The following SLC22A25 variants were observed in gnomAD, a reference collection of about 807,000 sequenced individuals.
The protein encoded by SLC22A25 is MGI:2442751, MGI:2385316, MGI:3042283, MGI:3645714, MGI:3605624, MGI:2442750.
SLC22A25 carries 44 observed loss-of-function variants against 45.9 expected under a neutral mutation model. That is an observed-to-expected ratio of 0.96 (90% confidence interval 0.75 to 1.23). The LOEUF (loss-of-function observed/expected upper bound fraction) is 1.23. SLC22A25 is among the 50% of genes most tolerant of loss of function. SLC22A25 has a pLI of 0.00. For synonymous variants in SLC22A25, 283 were observed against 238.6 expected (o/e 1.19, Z -1.72); for missense variants, 800 against 666.4 (o/e 1.20, Z -2.21).
At chr11:63,187,566 A>G (rs982159840) in intron 7 of SLC22A25, among the ~76,000 whole-genome samples, 1 of 152,190 alleles carries the variant, frequency 6.6e-6, no homozygotes, top group African/African-American at 2.4e-5. Flanking sequence ...CCCTGGCCAG[A>G]ACTTCCAACA....
rs2089809018 is a variant in SLC22A25 at position 63,219,834 on chromosome 11, G to A, written c.507-2099C>T. On this transcript the variant is annotated intron_variant, in intron 5 of 11. Coordinates refer to ENST00000306494, the MANE Select transcript of SLC22A25 (RefSeq NM_199352.6). ...CATTTTCTCATGGCACTGTCCCAGA[G>A]AGCTGGGTTACTGGACTGTTGGAAA... 3 of 1,001,126 alleles carry A rather than the reference G, an allele frequency of 3.0e-6. No individual in the cohort carries two copies. In the South Asian group the frequency reaches 4.0e-5, roughly 13 times the overall value. 62.0% of individuals were successfully genotyped at this position (1,001,126 alleles called of 1,614,324 possible).
rs552636370 is a variant in SLC22A25, at chr11:63,228,460, C to A, written c.506+1G>T. ...GAGAGCTATGCTCCATAGACACTCA[C>A]CTGTCTGACAAATGGCCATATAGGT... On this transcript the variant is annotated splice_donor_variant, in intron 5 of 11. Coordinates refer to ENST00000306494, the MANE Select transcript of SLC22A25 (RefSeq NM_199352.6). LOFTEE classifies it high-confidence loss of function. The A allele has an allele frequency of 2.5e-6, 4 of 1,596,648 alleles. No homozygotes were observed. Among genetic ancestry groups the A allele is most frequent in the South Asian group, 1.1e-5 (1 of 90,530 alleles).
At chr11:63,225,814 C>T (rs560448742) in intron 5 of SLC22A25, among the ~76,000 whole-genome samples, 2 of 152,160 alleles carry the variant, frequency 1.3e-5, no homozygotes, top group South Asian at 4.1e-4. Context: ...GTGCTTCCTT[C>T]TTTTTAATTC....
chr11:63,178,516 G>A (rs1378317796), intron 9 of SLC22A25, among the ~76,000 whole-genome samples: 1 of 151,270 alleles, frequency 6.6e-6, no homozygotes, highest in Non-Finnish European at 1.5e-5. Context: ...TAACTGGGGT[G>A]AAATAATATC....
At position 63,217,406 on chromosome 11, in the gene SLC22A25, T is replaced by A. The variant is rs1317880337; in HGVS notation, c.738A>T (p.Ile246=). ...TGACAAAAGCCAGGCTTCCCAGGGT[T>A]ATATGTCCAATACTAGCAGCACAAA... is the stretch of plus-strand genomic sequence containing the variant. ...LTLCAASIGH[I]TLGSLAFVIR... The change falls in exon 7 of 12, where the codon ATA becomes ATT. Residue 246 remains isoleucine, a synonymous_variant. Coordinates refer to ENST00000306494, the MANE Select transcript of SLC22A25 (RefSeq NM_199352.6). 9 of 1,613,936 alleles carry A rather than the reference T, an allele frequency of 5.6e-6. No homozygotes were observed. Among genetic ancestry groups the A allele is most frequent in the South Asian group, 1.1e-5 (1 of 91,084 alleles).
intron 9 of SLC22A25, among the ~76,000 whole-genome samples, chr11:63,179,673 T>G (rs1446082788): frequency 6.6e-6 from 1 of 152,124 alleles, no homozygotes; most frequent in Non-Finnish European, 1.5e-5. Context: ...GCATAATGGT[T>G]GGGCTAGAAA....
chr11:63,192,173 G>GGATGA (rs1565088175), intron 7 of SLC22A25, among the ~76,000 whole-genome samples: 1 of 152,124 alleles, frequency 6.6e-6, no homozygotes, highest in Admixed American at 6.6e-5. Context: ...AAGAGATTGG[G>GGATGA]GATGAATATT....
At chr11:63,240,069 C>T (rs2090223481) in intron 1 of SLC22A25, among the ~76,000 whole-genome samples, 1 of 152,106 alleles carries the variant, frequency 6.6e-6, no homozygotes, top group Non-Finnish European at 1.5e-5. Flanking sequence ...TATGGTATAG[C>T]CTATTGCTCA....
At chr11:63,164,185 A>C in intron 11 of SLC22A25, 112 bp from the exon 12 acceptor site, 1 of 1,375,242 alleles carries the variant, frequency 7.3e-7, no homozygotes, top group Non-Finnish European at 9.9e-7. Context: ...GGAGGTGATA[A>C]CATACTCTTG....
intron 5 of SLC22A25, chr11:63,218,115 C>T (rs1051258069): frequency 1.7e-5 from 8 of 465,566 alleles, no homozygotes; most frequent in Non-Finnish European, 3.4e-5. Flanking sequence ...GTAGCAAAGG[C>T]ATGGAATAAC....
intron 5 of SLC22A25, among the ~76,000 whole-genome samples, chr11:63,220,820 TC>T: frequency 6.6e-6 from 1 of 152,266 alleles, no homozygotes; most frequent in Non-Finnish European, 1.5e-5. Flanking sequence ...ACTCTCTATG[TC>T]CATGAGTTTA....
At chr11:63,176,892 G>A (rs1296112581) in intron 9 of SLC22A25, among the ~76,000 whole-genome samples, 2 of 151,882 alleles carry the variant, frequency 1.3e-5, no homozygotes, top group Admixed American at 6.6e-5. Flanking sequence ...AGGGTTCTTT[G>A]TTTAAACATG....
chr11:63,199,380 A>T (rs1367283866), intron 7 of SLC22A25, among the ~76,000 whole-genome samples: 1 of 152,160 alleles, frequency 6.6e-6, no homozygotes, highest in Non-Finnish European at 1.5e-5. Flanking sequence ...GAACAGACCA[A>T]TAACAAGCTC....
chr11:63,189,498 A>G (rs1419972562), intron 7 of SLC22A25, among the ~76,000 whole-genome samples: 1 of 152,222 alleles, frequency 6.6e-6, no homozygotes, highest in African/African-American at 2.4e-5. Flanking sequence ...CTCTTTAAAC[A>G]ATTTGCCAGT....
rs1052903796 is a variant in SLC22A25 at position 63,229,586 on chromosome 11, A to G, written c.67T>C (p.Phe23Leu). 6.2e-6 allele frequency: 10 copies of G among 1,613,630 alleles called. No individual in the cohort carries two copies. Among genetic ancestry groups the G allele is most frequent in the Non-Finnish European group, 7.6e-6 (9 of 1,179,700 alleles). ...LGRFQILQMV[F>L]LIMFNVIVYH... The stretch of plus-strand genomic sequence containing the variant: ...ACTATGACGTTGAACATTATAAGGA[A>G]AACCATCTGAAGGATCTGGAATCTC... The change falls in exon 4 of 12, where the codon TTC (phenylalanine) becomes CTC (leucine). Residue 23 changes from phenylalanine to leucine, a missense_variant. Transcript: ENST00000306494.
intron 7 of SLC22A25, among the ~76,000 whole-genome samples, chr11:63,213,044 T>C (rs551097856): frequency 6.6e-6 from 1 of 152,276 alleles, no homozygotes; most frequent in Admixed American, 6.5e-5. Flanking sequence ...ATATCTATGA[T>C]TCATGGTATC....
intron 9 of SLC22A25, chr11:63,166,979 G>A (rs1280199986): frequency 2.0e-5 from 10 of 499,436 alleles, no homozygotes; most frequent in Admixed American, 1.3e-4. Context: ...TGAGGTACCC[G>A]GTTCATCTCA....
intron 5 of SLC22A25, among the ~76,000 whole-genome samples, chr11:63,225,304 T>C (rs2089937191): frequency 6.6e-6 from 1 of 152,218 alleles, no homozygotes; most frequent in Admixed American, 6.5e-5. Flanking sequence ...TTAGCATTTC[T>C]TGTAGGACAG....
intron 9 of SLC22A25, among the ~76,000 whole-genome samples, chr11:63,171,857 A>G (rs2087899132): frequency 6.6e-6 from 1 of 152,190 alleles, no homozygotes. Flanking sequence ...AGACAATGCT[A>G]AGCAAAAAGA....
Sources: gnomAD v4.1 joint callset for allele counts (sites outside exome capture counted in the v4.1 genomes callset) on GRCh38, gnomAD v4.1.1 for gene constraint, MANE v1.5 for transcripts, NCBI Gene and HGNC (gene_info 2026-07-23, HGNC 2026-07-21) for gene names.